The following PHF21A variants were observed in gnomAD, a reference collection of about 807,000 sequenced individuals.
The protein encoded by PHF21A is BHC80a.
Under a neutral mutation model 82.5 loss-of-function variants are expected in PHF21A, and 11 were observed. The ratio of observed to expected loss-of-function variants is 0.13; its 90% CI spans 0.08 to 0.22. The LOEUF (loss-of-function observed/expected upper bound fraction) is 0.22, where lower values mean the gene tolerates loss of function less well. Ranked by LOEUF, PHF21A falls within the 10% of genes least tolerant of loss-of-function variation. The pLI, the probability that PHF21A is intolerant of heterozygous loss-of-function variation, is 1.00. For missense variants in PHF21A, 579 were observed against 837.8 expected (o/e 0.69, Z 3.81); for synonymous variants, 297 against 302.8 (o/e 0.98, Z 0.20).
chr11:46,008,725 TATCTC>T (rs1188796846), intron 6 of PHF21A, among the ~76,000 whole-genome samples: 1 of 152,202 alleles, frequency 6.6e-6, no homozygotes, highest in Non-Finnish European at 1.5e-5. Flanking sequence ...ATGTTTTACA[TATCTC>T]ATATAAATAA....
chr11:46,078,989 A>G, intron 5 of PHF21A, 145 bp downstream of exon 5: 1 of 526,234 alleles, frequency 1.9e-6, no homozygotes, highest in Non-Finnish European at 3.4e-6. Context: ...TATAACCTGA[A>G]GATCAATGTA....
intron 1 of PHF21A, among the ~76,000 whole-genome samples, chr11:46,094,469 C>A (rs2096966200): frequency 1.3e-5 from 2 of 152,176 alleles, no homozygotes; most frequent in Non-Finnish European, 2.9e-5. Flanking sequence ...TTCCACTAGA[C>A]CTCACTTTCT....
At position 45,965,295 on chromosome 11, in the gene PHF21A, G is replaced by C. The variant is rs748307571; in HGVS notation, c.996+20C>G. 6.2e-7 allele frequency: 1 copy of C among 1,611,018 alleles called. No homozygotes were observed. Among genetic ancestry groups the C allele is most frequent in the Admixed American group, 1.7e-5 (1 of 59,714 alleles). On this transcript the variant is annotated intron_variant, in intron 10 of 18. Coordinates refer to ENST00000676320, the MANE Select transcript of PHF21A (RefSeq NM_001352027.3). Reference sequence around the variant, plus strand: ...AACGACAAGGCTACTGCCCAGAGCAGGTACATACTCTGCCTGTACCTGTTT... The same window carrying C: ...AACGACAAGGCTACTGCCCAGAGCACGTACATACTCTGCCTGTACCTGTTT...
At chr11:46,003,193 A>G (rs1403240322) in intron 6 of PHF21A, among the ~76,000 whole-genome samples, 4 of 152,050 alleles carry the variant, frequency 2.6e-5, no homozygotes, top group African/African-American at 9.7e-5. Context: ...TGAAAAGAAA[A>G]TCTGTATATG....
rs531413045 is a variant in PHF21A at position 46,085,579 on chromosome 11, C to T, written c.-83-1277G>A. On this transcript the variant is annotated intron_variant, in intron 3 of 18. Coordinates refer to ENST00000676320, the MANE Select transcript of PHF21A (RefSeq NM_001352027.3). ...TACTTCAAATTTCTTTTCTTCTTTGCACCTATAAAGCTTGTAGCTAGAGCA... is the reference window on the plus strand; with the variant it reads ...TACTTCAAATTTCTTTTCTTCTTTGTACCTATAAAGCTTGTAGCTAGAGCA... Among the ~76,000 whole-genome samples, 37 of 152,256 alleles carry T rather than the reference C, an allele frequency of 2.4e-4. 1 individual carries two copies. The highest frequency in any genetic ancestry group is 7.9e-4 in the African/African-American group (33 of 41,542).
intron 1 of PHF21A, among the ~76,000 whole-genome samples, chr11:46,100,876 A>G (rs539841300): frequency 6.6e-6 from 1 of 152,342 alleles, no homozygotes; most frequent in South Asian, 2.1e-4. Flanking sequence ...GTTTCTAACC[A>G]CTGTTACCAC....
chr11:46,089,762 A>T (rs1370595456), intron 3 of PHF21A, among the ~76,000 whole-genome samples: 2 of 136,438 alleles, frequency 1.5e-5, no homozygotes, highest in African/African-American at 5.5e-5. Flanking sequence ...GTCTGAATGT[A>T]TGTGAGTATA....
intron 1 of PHF21A, chr11:46,118,089 T>C (rs1851872841): frequency 6.6e-6 from 1 of 152,116 alleles, no homozygotes; most frequent in Admixed American, 6.5e-5. Flanking sequence ...AAGAAGAGTA[T>C]TTCAGAGGCA....
intron 6 of PHF21A, among the ~76,000 whole-genome samples, chr11:46,036,922 GCTAGTCTTGAA>G (rs1358579360): frequency 1.3e-5 from 2 of 152,096 alleles, no homozygotes; most frequent in African/African-American, 4.8e-5. Context: ...TGTTGTCCAG[GCTAGTCTTGAA>G]CTCCTGGCCT....
At chr11:45,984,428 C>T (rs2094423847) in intron 6 of PHF21A, among the ~76,000 whole-genome samples, 1 of 152,178 alleles carries the variant, frequency 6.6e-6, no homozygotes, top group Admixed American at 6.5e-5. Flanking sequence ...GAAGAGTTCA[C>T]AGAGCCTCTG....
chr11:46,060,613 G>T (rs1385216411), intron 6 of PHF21A, among the ~76,000 whole-genome samples: 1 of 152,160 alleles, frequency 6.6e-6, no homozygotes, highest in Non-Finnish European at 1.5e-5. Flanking sequence ...GGCCACATGT[G>T]TGTCTTCTTT....
At chr11:46,021,892 G>A (rs922063472) in intron 6 of PHF21A, among the ~76,000 whole-genome samples, 3 of 151,996 alleles carry the variant, frequency 2.0e-5, no homozygotes, top group African/African-American at 7.3e-5. Flanking sequence ...GAATTCCTGA[G>A]GAGGGGCAGA....
chr11:45,976,107 A>T (rs1223765866), intron 7 of PHF21A, among the ~76,000 whole-genome samples: 1 of 152,056 alleles, frequency 6.6e-6, no homozygotes, highest in Non-Finnish European at 1.5e-5. Flanking sequence ...CGTTTCGTGG[A>T]TCACACACTC....
At chr11:46,115,722 T>C (rs1476848848) in intron 1 of PHF21A, among the ~76,000 whole-genome samples, 1 of 152,166 alleles carries the variant, frequency 6.6e-6, no homozygotes, top group Non-Finnish European at 1.5e-5. Flanking sequence ...GATATAGATA[T>C]AAAAGAATTC....
chr11:46,087,930 A>AT (rs1324162833), intron 3 of PHF21A, among the ~76,000 whole-genome samples: 4 of 151,874 alleles, frequency 2.6e-5, no homozygotes, highest in Middle Eastern at 3.4e-3. Context: ...TAATTTTTGT[A>AT]TTTTTTTGTA....
chr11:46,080,716 G>A (rs1265168899), intron 4 of PHF21A, among the ~76,000 whole-genome samples: 1 of 152,054 alleles, frequency 6.6e-6, no homozygotes, highest in Non-Finnish European at 1.5e-5. Context: ...CACCCAGGCT[G>A]GAGTGCAGTG....
intron 6 of PHF21A, among the ~76,000 whole-genome samples, chr11:45,988,127 C>A (rs1457040301): frequency 2.0e-5 from 3 of 152,182 alleles, no homozygotes; most frequent in Non-Finnish European, 4.4e-5. Flanking sequence ...AATTGTTTTA[C>A]CTACTCCAAG....
intron 8 of PHF21A, chr11:45,970,132 A>C (rs1177736196): frequency 8.7e-6 from 4 of 459,952 alleles, no homozygotes; most frequent in Non-Finnish European, 1.6e-5. Context: ...CCTACACCTA[A>C]TGGAGAACAT....
chr11:45,933,841 T>C lies in PHF21A; in HGVS notation c.*127A>G. 1 of 904,784 alleles carries C rather than the reference T, an allele frequency of 1.1e-6. No homozygotes were observed. The highest frequency in any genetic ancestry group is 1.6e-6 in the Non-Finnish European group (1 of 625,144). The allele number at this position is 904,784 out of a possible 1,614,324, so 56.0% of individuals were successfully genotyped here. A position where few individuals can be genotyped will look rare whatever the true frequency, so the allele number is the denominator to read the frequency against. On this transcript the variant is annotated 3_prime_UTR_variant, in exon 19 of 19. Coordinates refer to ENST00000676320, the MANE Select transcript of PHF21A (RefSeq NM_001352027.3). ...TGCCACCTGGCACAAGCATCTTCTC[T>C]CTCTCTGGAACCAAAGAACCAAAAG...
Sources: allele counts gnomAD v4.1 joint callset (sites outside exome capture counted in the v4.1 genomes callset), GRCh38; gene constraint gnomAD v4.1.1; transcripts MANE v1.5; gene names NCBI Gene and HGNC (gene_info 2026-07-23, HGNC 2026-07-21).